The following VDAC1 variants were observed in gnomAD, a reference collection of about 807,000 sequenced individuals.
VDAC1 encodes the protein voltage dependent anion channel 1, also known as non-selective voltage-gated ion channel VDAC1.
Under a neutral mutation model 34.7 loss-of-function variants are expected in VDAC1, and 10 were observed. That is an observed-to-expected ratio of 0.29 (90% CI 0.18 to 0.49). The LOEUF (loss-of-function observed/expected upper bound fraction) is 0.49, where lower values mean the gene tolerates loss of function less well. Among genes scored for constraint, VDAC1 ranks in the 20% least tolerant of loss-of-function variants. The pLI is 0.99. For missense variants in VDAC1, 230 were observed against 347.9 expected (o/e 0.66, Z 2.69); for synonymous variants, 130 against 136.0 (o/e 0.96, Z 0.30).
At chr5:134,093,614 G>C in the VDAC1 span, among the ~76,000 whole-genome samples, 1 of 152,192 alleles carries the variant, frequency 6.6e-6, no homozygotes, top group East Asian at 1.9e-4. Context: ...AGGCTTCCCA[G>C]ATGTGACTTC....
intron 8 of VDAC1, 113 bp downstream of exon 8, chr5:133,973,678 A>G (rs1752379637): frequency 2.2e-6 from 2 of 893,104 alleles, no homozygotes; most frequent in Non-Finnish European, 3.5e-6. Flanking sequence ...ATATCCATTT[A>G]TATATACCCA....
Position 133,997,462 on chromosome 5 carries a change from C to G in VDAC1, c.-6-4444G>C, listed in dbSNP as rs566012600. Among the ~76,000 whole-genome samples the G allele has an allele frequency of 2.6e-5, 4 of 151,596 alleles. No homozygotes were observed. The East Asian group carries it at 7.8e-4, about 29-fold the overall frequency. ...CCTGTAATCCCAGCACTTTGGGAGGCTGAGGTGGGCGGATCACTTCAGGCC... is the reference window on the plus strand; with the variant it reads ...CCTGTAATCCCAGCACTTTGGGAGGGTGAGGTGGGCGGATCACTTCAGGCC... On this transcript the variant is annotated intron_variant, in intron 1 of 8. Transcript: ENST00000265333.
the VDAC1 span, among the ~76,000 whole-genome samples, chr5:134,027,182 T>C: frequency 1.7e-4 from 26 of 152,270 alleles, no homozygotes; most frequent in East Asian, 5.0e-3. Context: ...TGAGAAACAC[T>C]GATTCAATCA....
chr5:134,085,156 C>T, the VDAC1 span, among the ~76,000 whole-genome samples: 6 of 151,886 alleles, frequency 4.0e-5, no homozygotes, highest in Non-Finnish European at 2.9e-5. Flanking sequence ...GCAAGCTCCG[C>T]CTCCCGGGTT....
the VDAC1 span, among the ~76,000 whole-genome samples, chr5:134,040,251 C>T: frequency 2.6e-5 from 4 of 151,954 alleles, no homozygotes; most frequent in South Asian, 4.1e-4. Flanking sequence ...GCCAACATGG[C>T]GAAACCCGGT....
the VDAC1 span, among the ~76,000 whole-genome samples, chr5:134,031,866 G>T: frequency 2.0e-5 from 3 of 150,332 alleles, no homozygotes; most frequent in African/African-American, 4.9e-5. Flanking sequence ...CAGGAGAATC[G>T]CTTGAACCTG....
the VDAC1 span, among the ~76,000 whole-genome samples, chr5:134,068,545 T>C: frequency 1.3e-5 from 2 of 152,198 alleles, no homozygotes; most frequent in African/African-American, 4.8e-5. Flanking sequence ...CTTTTGTTGC[T>C]AATGAGAAGG....
upstream of VDAC1, among the ~76,000 whole-genome samples, chr5:134,007,911 C>G (rs1270175116): frequency 6.6e-6 from 1 of 152,148 alleles, no homozygotes; most frequent in Non-Finnish European, 1.5e-5. Context: ...CTGGCGAAGA[C>G]AGTCAAATCT....
chr5:134,100,296 A>G, the VDAC1 span, among the ~76,000 whole-genome samples: 1 of 152,190 alleles, frequency 6.6e-6, no homozygotes, highest in Non-Finnish European at 1.5e-5. Context: ...AACCAGCCAG[A>G]GCTACCTTCC....
chr5:134,080,062 G>C, the VDAC1 span, among the ~76,000 whole-genome samples: 2 of 152,248 alleles, frequency 1.3e-5, no homozygotes, highest in East Asian at 3.9e-4. Context: ...GGCCCGGCCA[G>C]TGGGTGCTGC....
chr5:134,049,087 C>T, the VDAC1 span, among the ~76,000 whole-genome samples: 6 of 152,124 alleles, frequency 3.9e-5, no homozygotes, highest in African/African-American at 1.2e-4. Flanking sequence ...GATGTGTAAA[C>T]TTAGGCTTAG....
At chr5:133,993,269 T>C (rs547275169) in intron 1 of VDAC1, among the ~76,000 whole-genome samples, 7 of 152,226 alleles carry the variant, frequency 4.6e-5, no homozygotes, top group Non-Finnish European at 8.8e-5. Context: ...CTCCTCAGCA[T>C]CCCCAGGACT....
chr5:134,000,925 C>T (rs1475583932), intron 1 of VDAC1, among the ~76,000 whole-genome samples: 1 of 152,162 alleles, frequency 6.6e-6, no homozygotes, highest in Non-Finnish European at 1.5e-5. Flanking sequence ...CATTGTTTAG[C>T]TGAACAGGTC....
chr5:134,016,151 G>T, the VDAC1 span, among the ~76,000 whole-genome samples: 3 of 152,206 alleles, frequency 2.0e-5, no homozygotes, highest in Non-Finnish European at 2.9e-5. Context: ...AAAATCAAAC[G>T]ATCAGGAAAG....
At chr5:133,985,453 AG>A (rs955534406) in intron 5 of VDAC1, among the ~76,000 whole-genome samples, 2 of 152,142 alleles carry the variant, frequency 1.3e-5, no homozygotes, top group Admixed American at 1.3e-4. Context: ...CAGGAGTTGG[AG>A]ACCAGCCTGG....
the VDAC1 span, among the ~76,000 whole-genome samples, chr5:134,114,169 C>G: frequency 1.3e-5 from 2 of 152,158 alleles, no homozygotes; most frequent in African/African-American, 4.8e-5. Context: ...AGAAGGAAGT[C>G]CCTGATTGGC....
the VDAC1 span, among the ~76,000 whole-genome samples, chr5:134,070,150 AT>A: frequency 4.6e-5 from 7 of 151,354 alleles, no homozygotes; most frequent in African/African-American, 1.7e-4. Flanking sequence ...TTACTTTCTT[AT>A]TTTTTTTGGA....
At position 133,986,243 on chromosome 5, in the gene VDAC1, T is replaced by C. The variant is rs569717048; in HGVS notation, c.323+4612A>G. 4.6e-5 allele frequency among the ~76,000 whole-genome samples: 7 copies of C among 152,252 alleles called. No individual in the cohort carries two copies. The South Asian group carries it at 1.5e-3, about 32-fold the overall frequency. On this transcript the variant is annotated intron_variant, in intron 5 of 8. Coordinates refer to ENST00000265333, the MANE Select transcript of VDAC1 (RefSeq NM_003374.3). ...GGTCTGTGGCCTCATCCAGATGTGG[T>C]CTACACTCCGCTCCTCCTGGGAGCC...
the VDAC1 span, among the ~76,000 whole-genome samples, chr5:134,081,246 C>A: frequency 1.3e-5 from 2 of 152,176 alleles, no homozygotes; most frequent in Non-Finnish European, 2.9e-5. Flanking sequence ...ACCATGTTGG[C>A]CAGGCTGGTC....
Sources: gnomAD v4.1 joint callset for allele counts (sites outside exome capture counted in the v4.1 genomes callset) on GRCh38, gnomAD v4.1.1 for gene constraint, MANE v1.5 for transcripts, NCBI Gene and HGNC (gene_info 2026-07-23, HGNC 2026-07-21) for gene names.